ANKRD36B: variants seen among roughly 807,000 people sequenced by gnomAD.
The protein encoded by ANKRD36B is ankyrin repeat domain 36B, also known as ankyrin repeat domain-containing protein 36B.
ANKRD36B carries 37 observed loss-of-function variants against 135.7 expected under a neutral mutation model. The observed-to-expected ratio is 0.27, with a 90% CI of 0.21 to 0.36. The LOEUF (loss-of-function observed/expected upper bound fraction) is 0.36. Among genes scored for constraint, ANKRD36B ranks in the 10% least tolerant of loss-of-function variants. ANKRD36B has a pLI of 1.00. For missense variants in ANKRD36B, 549 were observed against 1,037.1 expected (o/e 0.53, Z 6.46); for synonymous variants, 179 against 348.1 (o/e 0.51, Z 5.41).
intron 1 of ANKRD36B, among the ~76,000 whole-genome samples, chr2:97,588,401 C>T (rs80029003): frequency 0.011 from 1,613 of 152,030 alleles, 37 homozygotes; most frequent in African/African-American, 0.036. Context: ...CTAATATATT[C>T]TTACACATAT....
In ANKRD36B at chr2:97,555,261, A is replaced by G. The variant is rs2104708526; in HGVS notation, c.1070-7T>C. 1 of 1,611,142 alleles carries G rather than the reference A, an allele frequency of 6.2e-7. No individual in the cohort carries two copies. The highest frequency in any genetic ancestry group is 2.2e-5 in the East Asian group (1 of 44,718). On this transcript the variant is annotated splice_region_variant and splice_polypyrimidine_tract_variant and intron_variant, in intron 12 of 43. Transcript: ENST00000359901. Reference sequence around the variant, plus strand: ...GGTTGTTTCTGAGAAGACACTGAAAAGCAAAAGGGATACATAATCACTCAT... The same window carrying G: ...GGTTGTTTCTGAGAAGACACTGAAAGGCAAAAGGGATACATAATCACTCAT...
chr2:97,551,758 C>T (rs2080091590), intron 16 of ANKRD36B, among the ~76,000 whole-genome samples: 3 of 151,888 alleles, frequency 2.0e-5, no homozygotes, highest in Admixed American at 6.6e-5. Flanking sequence ...GTCCATATGC[C>T]GAGTGATGAG....
intron 5 of ANKRD36B, among the ~76,000 whole-genome samples, chr2:97,578,576 A>G (rs1288518443): frequency 5.9e-5 from 9 of 151,998 alleles, no homozygotes; most frequent in Non-Finnish European, 8.8e-5. Context: ...CCAAATAACT[A>G]ATTAGAAAAA....
chr2:97,543,006 C>T (rs1161148926), intron 26 of ANKRD36B, among the ~76,000 whole-genome samples: 5 of 151,372 alleles, frequency 3.3e-5, no homozygotes, highest in African/African-American at 1.2e-4. Flanking sequence ...TCATTAAATA[C>T]CTATTTTATC....
At chr2:97,555,354 T>C in intron 12 of ANKRD36B, 100 bp from the exon 13 acceptor site, 4 of 1,533,012 alleles carry the variant, frequency 2.6e-6, no homozygotes, top group Non-Finnish European at 3.6e-6. Context: ...TTCCTGCCTG[T>C]ATTAGTATAG....
At chr2:97,524,404 A>G (rs1413542505) in intron 35 of ANKRD36B, 1 of 95,226 alleles carries the variant, frequency 1.1e-5, no homozygotes, top group Non-Finnish European at 2.8e-5. Context: ...CATTATAAAA[A>G]TTTTCCTTGT....
At chr2:97,541,581 A>G (rs1301144691) in intron 28 of ANKRD36B, among the ~76,000 whole-genome samples, 1 of 95,898 alleles carries the variant, frequency 1.0e-5, no homozygotes, top group African/African-American at 3.1e-5. Flanking sequence ...AATATCTATT[A>G]CTTCATCTCT....
rs1309210236 is a variant in ANKRD36B, at chr2:97,528,044, C to T, written c.2265+4267G>A. On this transcript the variant is annotated intron_variant, in intron 35 of 43. Coordinates refer to ENST00000359901, the MANE Select transcript of ANKRD36B (RefSeq NM_001393939.1). ...CCAGAAATTGAACTCAACTCTGCAC[C>T]AAGTGGACCTAATAGACATCTACAG... Among the ~76,000 whole-genome samples, 4 of 95,530 alleles carry T rather than the reference C, an allele frequency of 4.2e-5. 1 individual carries two copies. The highest frequency in any genetic ancestry group is 1.3e-4 in the African/African-American group (4 of 31,708). 62.7% of individuals were successfully genotyped at this position (95,530 alleles called of 152,430 possible).
chr2:97,552,056 C>G (rs2080116710), intron 16 of ANKRD36B, among the ~76,000 whole-genome samples: 1 of 151,956 alleles, frequency 6.6e-6, no homozygotes, highest in South Asian at 2.1e-4. Flanking sequence ...TTCATTATCT[C>G]TCACACCCAT....
rs1397886747 is a variant in ANKRD36B at position 97,531,823 on chromosome 2, C to A, written c.2265+488G>T. ...TAGCCAGTTGGGTTGATTTTATGAC[C>A]CATTCTCTCCCTCAACATAGAAACT... is the stretch of plus-strand genomic sequence containing the variant. On this transcript the variant is annotated intron_variant, in intron 35 of 43. Transcript: ENST00000359901. Among the ~76,000 whole-genome samples, 11 of 95,596 alleles carry A rather than the reference C, an allele frequency of 1.2e-4. 4 individuals are homozygous for A. The highest frequency in any genetic ancestry group is 3.5e-4 in the African/African-American group (11 of 31,868). 62.7% of individuals were successfully genotyped at this position (95,596 alleles called of 152,430 possible).
chr2:97,528,414 G>A (rs1576830212), intron 35 of ANKRD36B, among the ~76,000 whole-genome samples: 1 of 94,270 alleles, frequency 1.1e-5, no homozygotes, highest in East Asian at 2.3e-4. Flanking sequence ...GTGTACAGTG[G>A]GAAATTTATA....
intron 43 of ANKRD36B, among the ~76,000 whole-genome samples, chr2:97,506,657 G>A (rs1467079661): frequency 5.4e-5 from 5 of 92,908 alleles, no homozygotes; most frequent in African/African-American, 1.3e-4. Flanking sequence ...ATTATCACAC[G>A]AGTGTGGGGT....
rs2077645130 is a variant in ANKRD36B at position 97,513,416 on chromosome 2, A to AT, written c.2622-54dup. 150 of 1,112,914 alleles carry AT rather than the reference A, an allele frequency of 1.3e-4. No individual in the cohort carries two copies. In the African/African-American group the frequency reaches 3.5e-3, roughly 26 times the overall value. The allele number at this position is 1,112,914 out of a possible 1,614,324, so 68.9% of individuals were successfully genotyped here. A position where few individuals can be genotyped will look rare whatever the true frequency, so the allele number is the denominator to read the frequency against. ...TCTTATCAGTGAGGACTAAGCTCTAATTTTTTATCTTGCCCAAATTCCTAC... is the reference window on the plus strand; with the variant it reads ...TCTTATCAGTGAGGACTAAGCTCTAATTTTTTTATCTTGCCCAAATTCCTAC... On this transcript the variant is annotated intron_variant, in intron 37 of 43. Coordinates refer to ENST00000359901, the MANE Select transcript of ANKRD36B (RefSeq NM_001393939.1).
chr2:97,494,200 T>C lies in ANKRD36B; in HGVS notation c.*7-1345A>G, dbSNP rs528914944. Among the ~76,000 whole-genome samples the C allele has an allele frequency of 4.3e-5, 4 of 93,366 alleles. No homozygotes were observed. In the South Asian group the frequency reaches 9.0e-4, roughly 21 times the overall value. The allele number at this position is 93,366 out of a possible 152,430, so 61.3% of individuals were successfully genotyped here. A position where few individuals can be genotyped will look rare whatever the true frequency, so the allele number is the denominator to read the frequency against. On this transcript the variant is annotated intron_variant, in intron 43 of 43. Transcript: ENST00000359901. ...AAAGAGCAACACGGAAAAACACAAA[T>C]TTTTGTGTTGCTATAAAAAAATAGC...
intron 30 of ANKRD36B, among the ~76,000 whole-genome samples, chr2:97,539,234 A>G (rs1406567245): frequency 1.0e-5 from 1 of 97,586 alleles, no homozygotes; most frequent in African/African-American, 3.1e-5. Flanking sequence ...TTGAAGTATC[A>G]TGTTACTCTC....
At chr2:97,570,081 G>A (rs1184741896) in intron 6 of ANKRD36B, among the ~76,000 whole-genome samples, 4 of 151,876 alleles carry the variant, frequency 2.6e-5, no homozygotes, top group East Asian at 1.9e-4. Flanking sequence ...AAGGTTAATC[G>A]AATAAGAACA....
chr2:97,551,836 C>A (rs2080097183), intron 16 of ANKRD36B, among the ~76,000 whole-genome samples: 1 of 151,968 alleles, frequency 6.6e-6, no homozygotes, highest in Admixed American at 6.6e-5. Context: ...GCAGGTGCTA[C>A]ATGATCCCAC....
rs760810406 is a variant in ANKRD36B, at chr2:97,547,522, C to G, written c.1579+14G>C. 4.6e-6 allele frequency: 7 copies of G among 1,536,806 alleles called. No homozygotes were observed. The highest frequency in any genetic ancestry group is 6.2e-6 in the Non-Finnish European group (7 of 1,127,960). On this transcript the variant is annotated intron_variant, in intron 22 of 43. Transcript: ENST00000359901. ...CCGGACTGAACATGACATTAAATCT[C>G]TTTTCAAAATTACCTCTCCTAGTTT...
intron 3 of ANKRD36B, among the ~76,000 whole-genome samples, chr2:97,581,999 G>A (rs1472422770): frequency 6.6e-5 from 10 of 150,472 alleles, no homozygotes; most frequent in Middle Eastern, 3.4e-3. Flanking sequence ...TAGTAGAGAG[G>A]GGGTTTCACC....
Sources: allele counts gnomAD v4.1 joint callset (sites outside exome capture counted in the v4.1 genomes callset), GRCh38; gene constraint gnomAD v4.1.1; transcripts MANE v1.5; gene names NCBI Gene and HGNC (gene_info 2026-07-23, HGNC 2026-07-21).